MYH8: variants seen among roughly 807,000 people sequenced by gnomAD.
MYH8 encodes the protein myosin heavy chain 8, also known as myosin-8.
MYH8 carries 168 observed loss-of-function variants against 233.2 expected under a neutral mutation model. That is an observed-to-expected ratio of 0.72 (90% CI 0.64 to 0.82). The LOEUF (loss-of-function observed/expected upper bound fraction) is 0.82, where lower values mean the gene tolerates loss of function less well. MYH8 is among the 40% of genes least tolerant of loss of function. MYH8 has a pLI of 0.00. For synonymous variants in MYH8, 785 were observed against 850.6 expected, an observed-to-expected ratio of 0.92 and a Z score of 1.34; for missense variants, 1,995 against 2,327.8, an observed-to-expected ratio of 0.86 and a Z score of 2.94.
At chr17:10,397,470 AAACTGT>A in intron 30 of MYH8, among the ~76,000 whole-genome samples, 1 of 152,220 alleles carries the variant, frequency 6.6e-6, no homozygotes, top group Non-Finnish European at 1.5e-5. Context: ...CTAGATTGGT[AAACTGT>A]ATGGAAAGAT....
At position 10,415,537 on chromosome 17, in the gene MYH8, T is replaced by C. The variant is rs2072282634; in HGVS notation, c.583A>G (p.Ile195Val). Reference sequence around the variant, plus strand: ...ACTGCAATTGTTGCAAAGTATTGGATGACACGCTTGGTGTTCACAGTCTTT... The same window carrying C: ...ACTGCAATTGTTGCAAAGTATTGGACGACACGCTTGGTGTTCACAGTCTTT... The part of the protein sequence containing the change: ...AGKTVNTKRV[I>V]QYFATIAVTG... Residue 195 changes from isoleucine to valine, a missense_variant, in exon 7 of 40, where the codon ATC becomes GTC. By Grantham distance (29) the Ile-to-Val change is conservative. Transcript: ENST00000403437. The surrounding 1 kb of genome is among the most constrained non-coding windows in gnomAD (Gnocchi z 4.1). 4 of 1,614,230 alleles carry C rather than the reference T, an allele frequency of 2.5e-6. No individual in the cohort carries two copies. The highest frequency in any genetic ancestry group is 3.4e-6 in the Non-Finnish European group (4 of 1,180,038).
chr17:10,391,648 C>A (rs935013614), intron 39 of MYH8, among the ~76,000 whole-genome samples: 5 of 152,070 alleles, frequency 3.3e-5, no homozygotes, highest in African/African-American at 1.2e-4. Flanking sequence ...CCACTGCACT[C>A]CAACCTGGGT....
Position 10,400,333 on chromosome 17 carries a change from G to C in MYH8, c.3735+57C>G. 6.3e-7 allele frequency: 1 copy of C among 1,595,342 alleles called. No homozygotes were observed. Among genetic ancestry groups the C allele is most frequent in the South Asian group, 1.1e-5 (1 of 90,854 alleles). On this transcript the variant is annotated intron_variant, in intron 27 of 39. Coordinates refer to ENST00000403437, the MANE Select transcript of MYH8 (RefSeq NM_002472.3). This position sits in a 1 kb window ranked among gnomAD's most constrained non-coding sequence, Gnocchi z 4.0. ...TGCCTGCAAACAATGTTTAGTGATA[G>C]AGAATAATGGGTGTTCTTACAGATG...
chr17:10,406,283 T>C lies in MYH8; in HGVS notation c.2286A>G (p.Gly762=). Residue 762 remains glycine (G), a synonymous_variant, in exon 20 of 40, where the codon GGA becomes GGG. Coordinates refer to ENST00000403437, the MANE Select transcript of MYH8 (RefSeq NM_002472.3). ...ATAAATAACGATATACCTTGGTATG[T>C]CCAAATTTATATTGAGTATGATCAA... ...IDIDHTQYKF[G]HTKVFFKAGL... 1 of 1,614,082 alleles carries C rather than the reference T, an allele frequency of 6.2e-7. No homozygotes were observed. Among genetic ancestry groups the C allele is most frequent in the South Asian group, 1.1e-5 (1 of 91,074 alleles).
At chr17:10,409,229 T>G (rs2072221836) in intron 16 of MYH8, 50 bp downstream of exon 16, 1 of 1,613,474 alleles carries the variant, frequency 6.2e-7, no homozygotes, top group Non-Finnish European at 8.5e-7. Context: ...ACATGTATTA[T>G]AACATTATGT....
intron 17 of MYH8, among the ~76,000 whole-genome samples, chr17:10,408,144 T>C (rs1391674820): frequency 1.3e-5 from 2 of 152,002 alleles, no homozygotes; most frequent in Non-Finnish European, 2.9e-5. Flanking sequence ...TTTCACCATA[T>C]TGGCCAGGCT....
rs760777722 is a variant in MYH8 at position 10,409,405 on chromosome 17, A to G, written c.1771T>C (p.Tyr591His). 53 of 1,614,124 alleles carry G rather than the reference A, an allele frequency of 3.3e-5. 2 individuals are homozygous for G. The South Asian group carries it at 4.3e-4, about 13-fold the overall frequency. The change falls in exon 16 of 40, where the codon TAC (tyrosine) becomes CAC (histidine). Residue 591 changes from tyrosine to histidine, a missense_variant. Coordinates refer to ENST00000403437, the MANE Select transcript of MYH8 (RefSeq NM_002472.3). ...TTGTCCAGCCAGCCAGTAATGTTGT[A>G]GTCCACAGTGCCAGCATAGTGAATC... The part of the protein sequence containing the change: ...SLIHYAGTVD[Y>H]NITGWLDKNK...
rs549663042 is a variant in MYH8, at chr17:10,415,313, C to T, written c.720G>A (p.Arg240=). The change falls in exon 8 of 40, where the codon AGG becomes AGA. Residue 240 remains arginine (R), a synonymous_variant. Coordinates refer to ENST00000403437, the MANE Select transcript of MYH8 (RefSeq NM_002472.3). The surrounding 1 kb of genome is among the most constrained non-coding windows in gnomAD (Gnocchi z 4.1). ...LEAFGNAKTV[R]NDNSSRFGKF... is the part of the protein sequence containing the mutation. ...TCACAAAGCGAGAGGAGTTGTCATTCCTCACAGTTTTGGCATTGCCAAAGG... is the reference window on the plus strand; with the variant it reads ...TCACAAAGCGAGAGGAGTTGTCATTTCTCACAGTTTTGGCATTGCCAAAGG... The T allele has an allele frequency of 1.6e-4, 253 of 1,614,048 alleles. 1 individual carries two copies. In the South Asian group the frequency reaches 2.6e-3, roughly 17 times the overall value.
At chr17:10,420,810 T>C (rs1245619451) in intron 2 of MYH8, among the ~76,000 whole-genome samples, 2 of 152,258 alleles carry the variant, frequency 1.3e-5, no homozygotes, top group Non-Finnish European at 2.9e-5. Context: ...AAGAACATAA[T>C]ACATTCTAAT....
In MYH8 at chr17:10,398,810, C is replaced by T. The variant is rs2072104262; in HGVS notation, c.3939G>A (p.Gln1313=). ...GTTGATGTTTCAGCTCTTCAATCTG[C>T]TGAGTAGATGCTTGCTTGCTCCTTG... ...QLSRSKQAST[Q]QIEELKHQLE... The change falls in exon 29 of 40, where the codon CAG becomes CAA. Residue 1313 remains glutamine, a synonymous_variant. Transcript: ENST00000403437. 1 of 1,613,942 alleles carries T rather than the reference C, an allele frequency of 6.2e-7. No homozygotes were observed. The highest frequency in any genetic ancestry group is 1.1e-5 in the South Asian group (1 of 91,084).
rs1317285999 is a variant in MYH8 at position 10,410,938 on chromosome 17, GGCT to G, written c.1423_1425del (p.Ser475del). On this transcript the variant is annotated inframe_deletion, in exon 15 of 40. Coordinates refer to ENST00000403437, the MANE Select transcript of MYH8 (RefSeq NM_002472.3). ...GTGAAGTTGATGCACAGCTGCTCCA[GGCT>G]GTTAAACTACACAAAATAATAGAGA... 1 of 1,613,898 alleles carries G rather than the reference GGCT, an allele frequency of 6.2e-7. No individual in the cohort carries two copies. The highest frequency in any genetic ancestry group is 1.7e-5 in the Admixed American group (1 of 59,986).
chr17:10,404,716 A>T, intron 21 of MYH8, 131 bp from the exon 22 acceptor site: 1 of 1,121,294 alleles, frequency 8.9e-7, no homozygotes, highest in Non-Finnish European at 1.3e-6. Context: ...TATATATTAT[A>T]TGCAGGCTTT....
intron 21 of MYH8, 49 bp downstream of exon 21, chr17:10,405,992 G>A (rs2072188781): frequency 2.5e-6 from 4 of 1,601,542 alleles, no homozygotes; most frequent in Non-Finnish European, 2.6e-6. Flanking sequence ...AAGACTGATT[G>A]ATAGTCCTTA....
intron 21 of MYH8, 41 bp from the exon 22 acceptor site, chr17:10,404,626 G>C (rs1454152018): frequency 6.2e-7 from 1 of 1,611,814 alleles, no homozygotes; most frequent in African/African-American, 1.3e-5. Flanking sequence ...TAATCCATCA[G>C]AGCCAATGTT....
chr17:10,406,506 A>T, intron 19 of MYH8, 109 bp from the exon 20 acceptor site: 1 of 1,522,764 alleles, frequency 6.6e-7, no homozygotes, highest in East Asian at 2.3e-5. Flanking sequence ...ATAAAAGTGG[A>T]AAATCCAACT....
chr17:10,401,444 T>G lies in MYH8; in HGVS notation c.2939A>C (p.Asn980Thr), dbSNP rs1213718917. 9 of 1,613,896 alleles carry G rather than the reference T, an allele frequency of 5.6e-6. No individual in the cohort carries two copies. The highest frequency in any genetic ancestry group is 7.6e-6 in the Non-Finnish European group (9 of 1,180,024). ...EKHATENKVK[N>T]LTEEMAGLDE... ...CAGGCCTGCCATCTCTTCTGTAAGATTTTTCACCTACAAAGGTTAAGAAAG... is the reference window on the plus strand; with the variant it reads ...CAGGCCTGCCATCTCTTCTGTAAGAGTTTTCACCTACAAAGGTTAAGAAAG... Residue 980 changes from asparagine to threonine, a missense_variant, in exon 24 of 40, where the codon AAT becomes ACT. Transcript: ENST00000403437.
At chr17:10,420,491 A>G (rs984442824) in intron 2 of MYH8, among the ~76,000 whole-genome samples, 4 of 152,244 alleles carry the variant, frequency 2.6e-5, no homozygotes, top group African/African-American at 9.6e-5. Flanking sequence ...CTTGATCCTC[A>G]GGGATAGGGT....
intron 15 of MYH8, 106 bp from the exon 16 acceptor site, chr17:10,409,694 T>C: frequency 2.8e-6 from 4 of 1,450,788 alleles, no homozygotes; most frequent in Non-Finnish European, 3.8e-6. Flanking sequence ...TAAATATATG[T>C]ATGAAATAAA....
chr17:10,398,678 T>G (rs1436153368), intron 29 of MYH8, 38 bp from the exon 30 acceptor site: 3 of 1,614,028 alleles, frequency 1.9e-6, no homozygotes, highest in Admixed American at 1.7e-5. Context: ...AATTCATGTA[T>G]TCAGTGATAT....
Sources: gnomAD v4.1 joint callset for allele counts (sites outside exome capture counted in the v4.1 genomes callset) on GRCh38, gnomAD v4.1.1 for gene constraint, Gnocchi (gnomAD v3.1) non-coding constraint, MANE v1.5 for transcripts, NCBI Gene and HGNC (gene_info 2026-07-23, HGNC 2026-07-21) for gene names.